VPS53: variants seen among roughly 807,000 people sequenced by gnomAD.
VPS53 encodes the protein vacuolar protein sorting-associated protein 53 homolog.
Under a neutral mutation model 107.0 loss-of-function variants are expected in VPS53, and 70 were observed. That is an observed-to-expected ratio of 0.65 (90% CI 0.54 to 0.80). The LOEUF (loss-of-function observed/expected upper bound fraction) is 0.80. Ranked by LOEUF, VPS53 falls within the 30% of genes least tolerant of loss-of-function variation. The pLI is 0.00. For synonymous variants in VPS53, 409 were observed against 393.3 expected, an observed-to-expected ratio of 1.04 and a Z score of -0.47; for missense variants, 917 against 1,049.4, an observed-to-expected ratio of 0.87 and a Z score of 1.74.
In VPS53 at chr17:508,984, G is replaced by T. The variant is rs1033175286; in HGVS notation, c.*10144C>A. Reference sequence around the variant, plus strand: ...TAGAGGGAATCCAATGTAAAATTTTGTCCCATAAATTTGAAAACTGCTGGT... The same window carrying T: ...TAGAGGGAATCCAATGTAAAATTTTTTCCCATAAATTTGAAAACTGCTGGT... On this transcript the variant is annotated 3_prime_UTR_variant, in exon 22 of 22. Coordinates refer to ENST00000437048, the MANE Select transcript of VPS53 (RefSeq NM_001128159.3). The T allele has an allele frequency of 3.9e-5, 6 of 152,120 alleles. No homozygotes were observed. The highest frequency in any genetic ancestry group is 1.4e-4 in the African/African-American group (6 of 41,392). The allele number at this position is 152,120 out of a possible 1,614,324, so 9.4% of individuals were successfully genotyped here.
intron 19 of VPS53, chr17:532,438 T>C: frequency 6.0e-6 from 1 of 166,032 alleles, no homozygotes; most frequent in Non-Finnish European, 1.3e-5. Context: ...TTTTGTATTT[T>C]TAGTAGAGAT....
intron 4 of VPS53, among the ~76,000 whole-genome samples, chr17:696,791 C>CTTTTTTTTTTTTTTT (rs67948585): frequency 8.8e-6 from 1 of 113,800 alleles, no homozygotes. Context: ...ACTTATAAAA[C>CTTTTTTTTTTTTTTT]TTTTTTTTTT....
chr17:588,271 T>C (rs1041048871), intron 12 of VPS53, among the ~76,000 whole-genome samples: 9 of 152,136 alleles, frequency 5.9e-5, no homozygotes, highest in Admixed American at 3.3e-4. Context: ...TGAGCCGAGA[T>C]TGCACCACTG....
intron 11 of VPS53, among the ~76,000 whole-genome samples, chr17:622,857 A>ATT (rs200220802): frequency 1.4e-5 from 2 of 145,170 alleles, no homozygotes; most frequent in Non-Finnish European, 3.0e-5. Flanking sequence ...CACCCGACTA[A>ATT]TTTTTTTTTT....
At chr17:530,038 G>A (rs1224815963) in intron 19 of VPS53, among the ~76,000 whole-genome samples, 5 of 150,656 alleles carry the variant, frequency 3.3e-5, no homozygotes, top group Non-Finnish European at 5.9e-5. Flanking sequence ...AAAAAAAAAA[G>A]TATTTCACTC....
intron 11 of VPS53, among the ~76,000 whole-genome samples, chr17:608,678 C>T (rs1968700294): frequency 6.7e-6 from 1 of 148,600 alleles, no homozygotes; most frequent in Non-Finnish European, 1.5e-5. Flanking sequence ...TGCAGTGGTG[C>T]AATCACAGCT....
chr17:668,000 C>T (rs1314424601), intron 4 of VPS53, among the ~76,000 whole-genome samples: 1 of 152,172 alleles, frequency 6.6e-6, no homozygotes, highest in Non-Finnish European at 1.5e-5. Flanking sequence ...CCATGTCCCC[C>T]TCCCTGGTCC....
chr17:676,680 C>A (rs1972173955), intron 4 of VPS53, among the ~76,000 whole-genome samples: 1 of 152,158 alleles, frequency 6.6e-6, no homozygotes, highest in African/African-American at 2.4e-5. Flanking sequence ...ATGGAGATGG[C>A]TCAGAAGAAC....
At chr17:655,403 G>T (rs1376945330) in intron 6 of VPS53, among the ~76,000 whole-genome samples, 1 of 152,174 alleles carries the variant, frequency 6.6e-6, no homozygotes, top group African/African-American at 2.4e-5. Flanking sequence ...CAGGAAACCT[G>T]CTGAGGCAGA....
In VPS53 at chr17:519,915, G is replaced by C; in HGVS notation, c.2239C>G (p.His747Asp). ...EMILKVVMAP[H>D]EPLVVFVDNY... Reference sequence around the variant, plus strand: ...TCAACAAACACCACCAACGGTTCATGAGGGGCCATCACTACCTACAGCGGG... The same window carrying C: ...TCAACAAACACCACCAACGGTTCATCAGGGGCCATCACTACCTACAGCGGG... The change falls in exon 21 of 22, where the codon CAT (histidine) becomes GAT (aspartate). Residue 747 changes from histidine (H) to aspartate (D), a missense_variant. By Grantham distance (81) the His-to-Asp change is moderately conservative (BLOSUM62 -1). Transcript: ENST00000437048. This position sits in a 1 kb window ranked among gnomAD's most constrained non-coding sequence, Gnocchi z 5.0. The C allele has an allele frequency of 6.4e-7, 1 of 1,551,570 alleles. No individual in the cohort carries two copies.
Position 562,532 on chromosome 17 carries a change from G to C in VPS53, c.1527C>G (p.Ala509=), listed in dbSNP as rs778836413. The change falls in exon 14 of 22, where the codon GCC becomes GCG. Residue 509 remains alanine (A), a synonymous_variant. Coordinates refer to ENST00000437048, the MANE Select transcript of VPS53 (RefSeq NM_001128159.3). The stretch of plus-strand genomic sequence containing the variant: ...GCAGGTTGCCAGAGAGGATTTTCCA[G>C]GCGTATTCTCGGAGGTACTTCTGGA... ...TIFQKYLREY[A]WKILSGNLPK... The C allele has an allele frequency of 1.5e-5, 24 of 1,614,032 alleles. No individual in the cohort carries two copies. Among genetic ancestry groups the C allele is most frequent in the Non-Finnish European group, 2.0e-5 (24 of 1,180,004 alleles).
chr17:538,867 GA>G (rs1262183208), intron 17 of VPS53: 1 of 152,208 alleles, frequency 6.6e-6, no homozygotes, highest in African/African-American at 2.4e-5. Flanking sequence ...TTGGTTATGT[GA>G]AATGTTTTCC....
chr17:542,388 A>G (rs1254273269), intron 17 of VPS53, among the ~76,000 whole-genome samples: 2 of 152,172 alleles, frequency 1.3e-5, no homozygotes, highest in Non-Finnish European at 2.9e-5. Flanking sequence ...GCAACCTTCT[A>G]AAGGGGTGAC....
intron 19 of VPS53, among the ~76,000 whole-genome samples, chr17:529,068 T>G (rs79785292): frequency 6.6e-6 from 1 of 152,198 alleles, no homozygotes; most frequent in South Asian, 2.1e-4. Context: ...TTTTTATATA[T>G]GGTGTGTGGC....
chr17:532,795 T>A (rs1447692174), intron 19 of VPS53, 47 bp downstream of exon 19: 12 of 1,609,528 alleles, frequency 7.5e-6, no homozygotes, highest in Non-Finnish European at 9.3e-6. Flanking sequence ...GTGCTTGATC[T>A]ACAACAAAAG....
At chr17:567,254 T>C (rs189108960) in intron 13 of VPS53, among the ~76,000 whole-genome samples, 3 of 152,234 alleles carry the variant, frequency 2.0e-5, no homozygotes, top group African/African-American at 7.2e-5. Flanking sequence ...ATCTATACTT[T>C]GTAGAATGTC....
chr17:548,295 A>G (rs1911414706), intron 17 of VPS53, among the ~76,000 whole-genome samples: 1 of 152,254 alleles, frequency 6.6e-6, no homozygotes, highest in Non-Finnish European at 1.5e-5. Flanking sequence ...TGCCAGGCTC[A>G]ATCCCTCTTG....
rs541799895 is a variant in VPS53 at position 599,484 on chromosome 17, T to C, written c.1218+2311A>G. Among the ~76,000 whole-genome samples the C allele has an allele frequency of 3.6e-3, 547 of 151,356 alleles. 4 individuals carry two copies. The highest frequency in any genetic ancestry group is 0.021 in the South Asian group (99 of 4,768). ...CCTGTGCTCTCTGAAACATGTGCTG[T>C]GTCCACTCAGGGTTAAATGGATTAA... On this transcript the variant is annotated intron_variant, in intron 12 of 21. Coordinates refer to ENST00000437048, the MANE Select transcript of VPS53 (RefSeq NM_001128159.3).
At chr17:644,771 A>G (rs976023454) in intron 7 of VPS53, among the ~76,000 whole-genome samples, 4 of 152,142 alleles carry the variant, frequency 2.6e-5, no homozygotes, top group Non-Finnish European at 5.9e-5. Flanking sequence ...TTTGGTAGAG[A>G]CAGGGTTTCA....
Sources: gnomAD v4.1 joint callset for allele counts (sites outside exome capture counted in the v4.1 genomes callset) on GRCh38, gnomAD v4.1.1 for gene constraint, Gnocchi (gnomAD v3.1) non-coding constraint, MANE v1.5 for transcripts, NCBI Gene and HGNC (gene_info 2026-07-23, HGNC 2026-07-21) for gene names.